ADCY7: variants seen among roughly 807,000 people sequenced by gnomAD.
ADCY7 encodes the protein adenylate cyclase 7, also known as adenylate cyclase type 7.
A neutral mutation model predicts 120.6 loss-of-function variants in ADCY7; 72 were observed. That is an observed-to-expected ratio of 0.60 (90% CI 0.49 to 0.73). The LOEUF is 0.73. Among genes scored for constraint, ADCY7 ranks in the 30% least tolerant of loss-of-function variants. The probability of loss-of-function intolerance (pLI) is 0.00; values close to 1 mark genes in which losing one functional copy is unlikely to be tolerated. For synonymous variants in ADCY7, 661 were observed against 628.0 expected, an observed-to-expected ratio of 1.05 and a Z score of -0.78; for missense variants, 1,227 against 1,486.0, an observed-to-expected ratio of 0.83 and a Z score of 2.87.
intron 1 of ADCY7, among the ~76,000 whole-genome samples, chr16:50,250,684 C>T (rs978036668): frequency 1.3e-5 from 2 of 152,014 alleles, no homozygotes; most frequent in African/African-American, 4.8e-5. Context: ...GTATAAAGCA[C>T]ATCAGTGGGA....
Position 50,309,602 on chromosome 16 carries a change from C to A in ADCY7, c.2116C>A (p.Leu706Met), listed in dbSNP as rs2036312877. The A allele has an allele frequency of 6.2e-7, 1 of 1,613,166 alleles. No individual in the cohort carries two copies. The stretch of plus-strand genomic sequence containing the variant: ...GCCTGTTGGCAATGAGACAGGCCTA[C>A]TGGCCGCGAGCAGCAAGACAAGAGC... ...ELPVGNETGL[L>M]AASSKTRALC... The change falls in exon 18 of 26, where the codon CTG (leucine) becomes ATG (methionine). Residue 706 changes from leucine (L) to methionine (M), a missense_variant. Coordinates refer to ENST00000673801, the MANE Select transcript of ADCY7 (RefSeq NM_001114.5).
Position 50,315,340 on chromosome 16 carries a change from G to T in ADCY7, c.3097-19G>T. Reference sequence around the variant, plus strand: ...GTTCTTCCCGCCTCTGAAGACAACAGGTCTCTCTTCCTTTTCAGGTTACCG... The same window carrying T: ...GTTCTTCCCGCCTCTGAAGACAACATGTCTCTCTTCCTTTTCAGGTTACCG... On this transcript the variant is annotated intron_variant, in intron 25 of 25. Coordinates refer to ENST00000673801, the MANE Select transcript of ADCY7 (RefSeq NM_001114.5). The T allele has an allele frequency of 6.2e-7, 1 of 1,600,448 alleles. No homozygotes were observed. Among genetic ancestry groups the T allele is most frequent in the Non-Finnish European group, 8.6e-7 (1 of 1,168,722 alleles).
intron 3 of ADCY7, among the ~76,000 whole-genome samples, chr16:50,291,337 G>A (rs1480591345): frequency 7.2e-6 from 1 of 139,674 alleles, no homozygotes; most frequent in Non-Finnish European, 1.5e-5. Context: ...GGATGGTGGG[G>A]CAGCTCTGGG....
chr16:50,286,654 T>G (rs146806966), intron 1 of ADCY7, among the ~76,000 whole-genome samples: 4 of 151,572 alleles, frequency 2.6e-5, no homozygotes, highest in Admixed American at 2.0e-4. Flanking sequence ...CACTGGAAAA[T>G]GAAGTGAATG....
chr16:50,283,578 C>T (rs1333756844), intron 1 of ADCY7, among the ~76,000 whole-genome samples: 1 of 152,258 alleles, frequency 6.6e-6, no homozygotes, highest in African/African-American at 2.4e-5. Flanking sequence ...AGGGACATTG[C>T]ACAGCAGAAG....
In ADCY7 at chr16:50,293,347, C is replaced by A; in HGVS notation, c.688-7C>A. Reference sequence around the variant, plus strand: ...GTCCCTCTGCTGGTCTGCCCACCCACACCCAGGAGAACCTGCTGCTGTCAG... The same window carrying A: ...GTCCCTCTGCTGGTCTGCCCACCCAAACCCAGGAGAACCTGCTGCTGTCAG... On this transcript the variant is annotated splice_region_variant and splice_polypyrimidine_tract_variant and intron_variant, in intron 5 of 25. Transcript: ENST00000673801. The A allele has an allele frequency of 6.2e-7, 1 of 1,612,092 alleles. No individual in the cohort carries two copies. Among genetic ancestry groups the A allele is most frequent in the Non-Finnish European group, 8.5e-7 (1 of 1,178,732 alleles).
upstream of ADCY7, among the ~76,000 whole-genome samples, chr16:50,264,363 C>A (rs2033133688): frequency 6.6e-6 from 1 of 152,104 alleles, no homozygotes; most frequent in Non-Finnish European, 1.5e-5. Context: ...TTTGTTTATC[C>A]ATTTACTCAT....
chr16:50,293,575 C>A, intron 6 of ADCY7, 73 bp downstream of exon 6: 1 of 1,544,202 alleles, frequency 6.5e-7, no homozygotes, highest in Non-Finnish European at 8.8e-7. Context: ...CAGGCGGCCT[C>A]CCCGCCCTAT....
Position 50,308,749 on chromosome 16 carries a change from T to A in ADCY7, c.2018T>A (p.Val673Asp). ...CCCCTGCTGAGGCTGACCCTGGCCG[T>A]CCTGACCATCGGCAGCCTGCTCACT... ...TQPLLRLTLA[V>D]LTIGSLLTVA... Residue 673 changes from valine (V) to aspartate (D), a missense_variant, in exon 17 of 26, where the codon GTC becomes GAC. Around this residue, in one of 5 missense-constraint regions of ADCY7, gnomAD observed 267 missense variants for 270.0 expected, o/e 0.99. Transcript: ENST00000673801. 3 of 1,613,036 alleles carry A rather than the reference T, an allele frequency of 1.9e-6. No homozygotes were observed. The South Asian group carries it at 3.3e-5, about 18-fold the overall frequency.
At chr16:50,275,938 C>T (rs575230593) in intron 1 of ADCY7, among the ~76,000 whole-genome samples, 19 of 152,352 alleles carry the variant, frequency 1.2e-4, no homozygotes, top group Non-Finnish European at 2.2e-4. Context: ...TCTGCAGGTT[C>T]TCAGAGGAGA....
At position 50,268,895 on chromosome 16, in the gene ADCY7, G is replaced by C. The variant is rs149913369; in HGVS notation, c.-269+2215G>C. ...CTACAAAAAATACAAAAATTAGCTGGGTGTGGTGGCGTGTGCCTGTAGTCC... is the reference window on the plus strand; with the variant it reads ...CTACAAAAAATACAAAAATTAGCTGCGTGTGGTGGCGTGTGCCTGTAGTCC... On this transcript the variant is annotated intron_variant, in intron 1 of 25. Coordinates refer to ENST00000673801, the MANE Select transcript of ADCY7 (RefSeq NM_001114.5). Among the ~76,000 whole-genome samples the C allele has an allele frequency of 2.6e-3, 403 of 152,296 alleles. 3 individuals carry two copies. The highest frequency in any genetic ancestry group is 9.1e-3 in the African/African-American group (377 of 41,556).
intron 1 of ADCY7, among the ~76,000 whole-genome samples, chr16:50,249,886 G>A (rs558181248): frequency 2.6e-5 from 4 of 152,110 alleles, no homozygotes; most frequent in Non-Finnish European, 5.9e-5. Flanking sequence ...GAGGTGCCTT[G>A]AGCAGCTGTT....
chr16:50,297,494 G>T lies in ADCY7; in HGVS notation c.949-1410G>T, dbSNP rs1373832885. On this transcript the variant is annotated intron_variant, in intron 7 of 25. Coordinates refer to ENST00000673801, the MANE Select transcript of ADCY7 (RefSeq NM_001114.5). The surrounding 1 kb of genome is among the most constrained non-coding windows in gnomAD (Gnocchi z 4.4). ...CCAAGATTGCCTGCTTTCTAGGAAA[G>T]CCACTGTCCTCTTGTCCTTGCAGTC... 2.0e-5 allele frequency among the ~76,000 whole-genome samples: 3 copies of T among 152,218 alleles called. No homozygotes were observed. In the East Asian group the frequency reaches 5.8e-4, roughly 29 times the overall value.
intron 16 of ADCY7, 59 bp from the exon 17 acceptor site, chr16:50,308,608 G>T: frequency 1.3e-6 from 2 of 1,573,566 alleles, no homozygotes; most frequent in Non-Finnish European, 1.7e-6. Context: ...GGCTGCCAGC[G>T]ACCAGCCCTC....
chr16:50,310,301 C>T (rs972262244), intron 18 of ADCY7, among the ~76,000 whole-genome samples: 12 of 151,914 alleles, frequency 7.9e-5, no homozygotes, highest in Admixed American at 5.9e-4. Context: ...GTGTGAAGAG[C>T]GTGGTCTTTA....
intron 14 of ADCY7, among the ~76,000 whole-genome samples, chr16:50,306,794 A>G (rs959819539): frequency 6.6e-6 from 1 of 152,216 alleles, no homozygotes; most frequent in Non-Finnish European, 1.5e-5. Context: ...CAAGTGTAAC[A>G]TCACCTGGAA....
chr16:50,268,165 C>G (rs1336984572), intron 1 of ADCY7, among the ~76,000 whole-genome samples: 2 of 152,006 alleles, frequency 1.3e-5, no homozygotes, highest in African/African-American at 4.8e-5. Flanking sequence ...TAGTGACCCT[C>G]TTGGGTCACT....
intron 19 of ADCY7, 133 bp from the exon 20 acceptor site, chr16:50,311,560 G>T: frequency 8.3e-5 from 51 of 616,992 alleles, no homozygotes; most frequent in South Asian, 1.1e-4. Context: ...CCCCAAAGTT[G>T]TCTTGTTTTC....
chr16:50,307,642 C>G (rs993036733), intron 15 of ADCY7, among the ~76,000 whole-genome samples: 3 of 152,110 alleles, frequency 2.0e-5, no homozygotes, highest in Admixed American at 6.5e-5. Context: ...TTGGTGCTTT[C>G]TAGAAGAGCA....
Sources: allele counts gnomAD v4.1 joint callset (sites outside exome capture counted in the v4.1 genomes callset), GRCh38; gene constraint gnomAD v4.1.1; regional missense constraint gnomAD v4.1.1; non-coding constraint Gnocchi (gnomAD v3.1); transcripts MANE v1.5; gene names NCBI Gene and HGNC (gene_info 2026-07-23, HGNC 2026-07-21).